The following RASSF3 variants were observed in gnomAD, a reference collection of about 807,000 sequenced individuals.
RASSF3 encodes the protein Ras association domain family member 3.
RASSF3 carries 19 observed loss-of-function variants against 19.9 expected under a neutral mutation model. The observed-to-expected ratio is 0.96, with a 90% CI of 0.67 to 1.40. The LOEUF (loss-of-function observed/expected upper bound fraction) is 1.40, where lower values mean the gene tolerates loss of function less well. Ranked by LOEUF, RASSF3 falls within the 40% of genes most tolerant of loss-of-function variation. The pLI, the probability that RASSF3 is intolerant of heterozygous loss-of-function variation, is 0.00. For missense variants in RASSF3, 306 were observed against 289.8 expected (o/e 1.06, Z -0.41); for synonymous variants, 110 against 104.2 (o/e 1.06, Z -0.34).
intron 2 of RASSF3, among the ~76,000 whole-genome samples, chr12:64,550,382 TAGCC>T (rs945217494): frequency 2.6e-5 from 4 of 151,306 alleles, no homozygotes; most frequent in African/African-American, 4.9e-5. Flanking sequence ...AAAAGAGAAA[TAGCC>T]AGGCACAGTG....
chr12:64,608,336 T>C (rs1179884701), upstream of RASSF3, among the ~76,000 whole-genome samples: 2 of 152,188 alleles, frequency 1.3e-5, no homozygotes. Context: ...TATTTATTTA[T>C]TGAGACGAAG....
At chr12:64,649,337 C>T (rs1419365874) in intron 1 of RASSF3, among the ~76,000 whole-genome samples, 2 of 151,856 alleles carry the variant, frequency 1.3e-5, no homozygotes, top group Non-Finnish European at 2.9e-5. Context: ...GGACTACAGG[C>T]ACCCGCCACC....
At chr12:64,517,126 A>G (rs1297423498) in intron 1 of RASSF3, among the ~76,000 whole-genome samples, 2 of 152,108 alleles carry the variant, frequency 1.3e-5, no homozygotes, top group African/African-American at 4.8e-5. Context: ...GAATAACAAA[A>G]AAACAAACTT....
At chr12:64,550,274 G>A (rs1442998258) in intron 2 of RASSF3, among the ~76,000 whole-genome samples, 3 of 151,978 alleles carry the variant, frequency 2.0e-5, no homozygotes, top group African/African-American at 7.2e-5. Flanking sequence ...AACAAGAAAG[G>A]GAAAGGAAAC....
downstream of RASSF3, among the ~76,000 whole-genome samples, chr12:64,543,447 CGCCCG>C: frequency 1.6e-5 from 1 of 62,832 alleles, no homozygotes; most frequent in South Asian, 9.0e-4. Flanking sequence ...CCCCCGTGCC[CGCCCG>C]CCCCCCGCTC....
intron 1 of RASSF3, among the ~76,000 whole-genome samples, chr12:64,665,731 A>G (rs1173168530): frequency 6.6e-6 from 1 of 152,220 alleles, no homozygotes; most frequent in Non-Finnish European, 1.5e-5. Flanking sequence ...TGACTGCAGA[A>G]CTGCCCTTGA....
At chr12:64,575,953 G>C (rs1170786148) in intron 2 of RASSF3, among the ~76,000 whole-genome samples, 1 of 149,518 alleles carries the variant, frequency 6.7e-6, no homozygotes, top group Non-Finnish European at 1.5e-5. Context: ...GCAATAGCGC[G>C]ATCTCGGCTC....
chr12:64,686,053 C>G, intron 2 of RASSF3, among the ~76,000 whole-genome samples: 1 of 152,180 alleles, frequency 6.6e-6, no homozygotes, highest in South Asian at 2.1e-4. Context: ...TAAAGGACCC[C>G]TCCCTGGTAG....
chr12:64,592,641 G>GT (rs1324980121), intron 2 of RASSF3, among the ~76,000 whole-genome samples: 5 of 151,820 alleles, frequency 3.3e-5, no homozygotes, highest in Admixed American at 6.6e-5. Flanking sequence ...TTTTTACCAA[G>GT]TTTTTTCTGT....
intron 1 of RASSF3, among the ~76,000 whole-genome samples, chr12:64,633,155 G>A (rs2136174842): frequency 6.6e-6 from 1 of 152,300 alleles, no homozygotes; most frequent in East Asian, 1.9e-4. Flanking sequence ...ACAGGGACTA[G>A]CTGGTTATGT....
intron 2 of RASSF3, among the ~76,000 whole-genome samples, chr12:64,587,999 G>T (rs1272549937): frequency 1.3e-5 from 2 of 152,196 alleles, no homozygotes; most frequent in African/African-American, 4.8e-5. Context: ...TATCAGGAAA[G>T]AGCGAGTTAT....
intron 1 of RASSF3, among the ~76,000 whole-genome samples, chr12:64,652,191 A>G (rs1272716973): frequency 6.6e-6 from 1 of 151,636 alleles, no homozygotes. Flanking sequence ...CTGAGGTTCT[A>G]ATGGCAAAAT....
At chr12:64,687,659 T>C (rs59270299) in intron 2 of RASSF3, among the ~76,000 whole-genome samples, 5,806 of 152,178 alleles carry the variant, frequency 0.038, 215 homozygotes, top group East Asian at 0.15. Context: ...CATTAAAAAG[T>C]TTAAGCAGAG....
At chr12:64,559,504 C>CAA (rs1163773239) in intron 2 of RASSF3, among the ~76,000 whole-genome samples, 1 of 152,030 alleles carries the variant, frequency 6.6e-6, no homozygotes, top group Non-Finnish European at 1.5e-5. Flanking sequence ...CTCCTGACCT[C>CAA]GTGATCTGCC....
intron 1 of RASSF3, among the ~76,000 whole-genome samples, chr12:64,661,677 C>CTTTTTT (rs71092993): frequency 6.2e-3 from 486 of 78,874 alleles, no homozygotes; most frequent in Non-Finnish European, 8.0e-3. Flanking sequence ...TTTTCTTTTT[C>CTTTTTT]TTTTTTTTTT....
intron 2 of RASSF3, among the ~76,000 whole-genome samples, chr12:64,548,866 T>C (rs1592397359): frequency 2.0e-5 from 3 of 152,322 alleles, no homozygotes; most frequent in Admixed American, 2.0e-4. Context: ...GTTTGATCTG[T>C]TCCAATTTTC....
At chr12:64,687,952 G>T (rs546761956) in intron 2 of RASSF3, among the ~76,000 whole-genome samples, 1 of 151,168 alleles carries the variant, frequency 6.6e-6, no homozygotes, top group East Asian at 1.9e-4. Flanking sequence ...CATGAGTCTG[G>T]GGCCGGCAGT....
intron 2 of RASSF3, among the ~76,000 whole-genome samples, chr12:64,564,859 C>A (rs1338984081): frequency 1.3e-5 from 2 of 151,882 alleles, no homozygotes; most frequent in African/African-American, 4.8e-5. Context: ...CGGCTCACTG[C>A]AACCTCCAGC....
chr12:64,596,989 A>C (rs534356569), intron 2 of RASSF3, among the ~76,000 whole-genome samples: 1 of 151,966 alleles, frequency 6.6e-6, no homozygotes, highest in East Asian at 1.9e-4. Context: ...CTGATCTCGA[A>C]CTCTCAACCT....
Sources: gnomAD v4.1 joint callset for allele counts (sites outside exome capture counted in the v4.1 genomes callset) on GRCh38, gnomAD v4.1.1 for gene constraint, MANE v1.5 for transcripts, NCBI Gene and HGNC (gene_info 2026-07-23, HGNC 2026-07-21) for gene names.